The following PUS7L variants were observed in gnomAD, a reference collection of about 807,000 sequenced individuals.
The protein encoded by PUS7L is pseudouridine synthase 7 like, also known as pseudouridylate synthase PUS7L.
In PUS7L, 49 loss-of-function variants were observed where a neutral mutation model predicts 51.1. That is an observed-to-expected ratio of 0.96 (90% confidence interval 0.76 to 1.22). The LOEUF is 1.22. Among genes scored for constraint, PUS7L ranks in the 50% most tolerant of loss-of-function variants. The pLI is 0.00. For synonymous variants in PUS7L, 277 were observed against 276.2 expected (o/e 1.00, Z -0.03); for missense variants, 828 against 820.6 (o/e 1.01, Z -0.11).
intron 2 of PUS7L, among the ~76,000 whole-genome samples, chr12:43,752,938 TTCC>T (rs1290423633): frequency 1.3e-5 from 2 of 152,204 alleles, no homozygotes; most frequent in African/African-American, 2.4e-5. Context: ...TGAACCATCA[TTCC>T]TCCTTTTAAC....
chr12:43,741,994 C>T (rs895058490), intron 5 of PUS7L, among the ~76,000 whole-genome samples: 3 of 152,106 alleles, frequency 2.0e-5, no homozygotes, highest in Non-Finnish European at 2.9e-5. Flanking sequence ...TACACACATA[C>T]GCTTTTAATA....
rs999845936 is a variant in PUS7L at position 43,729,574 on chromosome 12, G to A, written c.*802C>T. 2.1e-5 allele frequency: 4 copies of A among 191,846 alleles called. No homozygotes were observed. Among genetic ancestry groups the A allele is most frequent in the African/African-American group, 9.2e-5 (4 of 43,418 alleles). 11.9% of individuals were successfully genotyped at this position (191,846 alleles called of 1,614,324 possible). On this transcript the variant is annotated 3_prime_UTR_variant, in exon 9 of 9. Coordinates refer to ENST00000344862, the MANE Select transcript of PUS7L (RefSeq NM_031292.5). ...TGTTCCTCCAGCAACAGAAAATGTG[G>A]AGATAATCCTATTATTTGTCATTTA...
At position 43,754,713 on chromosome 12, in the gene PUS7L, G is replaced by C. The variant is rs1327717948; in HGVS notation, c.533C>G (p.Ala178Gly). The change falls in exon 2 of 9, where the codon GCC (alanine) becomes GGC (glycine). Residue 178 changes from alanine (A) to glycine (G), a missense_variant. Coordinates refer to ENST00000344862, the MANE Select transcript of PUS7L (RefSeq NM_031292.5). ...TAAAAATGGAAATTTCTGCCTAATG[G>C]CACTGTGTAAACTAGCCCTCTGGTT... ...DKNQRASLHSAIRQKFPFLVT... is the reference protein window; with the variant it reads ...DKNQRASLHSGIRQKFPFLVT... 1 of 1,613,764 alleles carries C rather than the reference G, an allele frequency of 6.2e-7. No individual in the cohort carries two copies. Among genetic ancestry groups the C allele is most frequent in the Admixed American group, 1.7e-5 (1 of 60,000 alleles).
rs530705563 is a variant in PUS7L at position 43,756,961 on chromosome 12, T to C, written c.-16-1700A>G. On this transcript the variant is annotated intron_variant, in intron 1 of 8. Coordinates refer to ENST00000344862, the MANE Select transcript of PUS7L (RefSeq NM_031292.5). ...ACTCACCCTGGCTTCCAAGGACATC[T>C]AAGATTAGGGACCCTGCTTATTCTC... Among the ~76,000 whole-genome samples, 270 of 152,328 alleles carry C rather than the reference T, an allele frequency of 1.8e-3. 2 individuals carry two copies. Among genetic ancestry groups the C allele is most frequent in the Middle Eastern group, 6.8e-3 (2 of 294 alleles).
chr12:43,745,376 C>A (rs1239609480), intron 4 of PUS7L, among the ~76,000 whole-genome samples: 1 of 152,138 alleles, frequency 6.6e-6, no homozygotes, highest in African/African-American at 2.4e-5. Flanking sequence ...ATGGGAGAGA[C>A]CCAGTGGGAT....
At position 43,730,119 on chromosome 12, in the gene PUS7L, A is replaced by G; in HGVS notation, c.*257T>C. The G allele has an allele frequency of 2.5e-6, 1 of 403,404 alleles. No individual in the cohort carries two copies. Among genetic ancestry groups the G allele is most frequent in the East Asian group, 3.8e-5 (1 of 26,138 alleles). The allele number at this position is 403,404 out of a possible 1,614,324, so 25.0% of individuals were successfully genotyped here. ...GGTTTTAAAAGATTGTAACTTTATG[A>G]CACAGAATAAAGGTCACTGAAACAT... On this transcript the variant is annotated 3_prime_UTR_variant, in exon 9 of 9. Coordinates refer to ENST00000344862, the MANE Select transcript of PUS7L (RefSeq NM_031292.5).
At position 43,723,568 on chromosome 12, in the gene PUS7L, G is replaced by A. The variant is rs1944421597; in HGVS notation, c.*6808C>T. The A allele has an allele frequency of 6.6e-6, 1 of 151,928 alleles. No homozygotes were observed. 9.4% of individuals were successfully genotyped at this position (151,928 alleles called of 1,614,324 possible). ...TAGTCTGCATATTCCACTTGCAAGT[G>A]GCATTTCAAATCAAATGAAAACAAG... On this transcript the variant is annotated 3_prime_UTR_variant, in exon 9 of 9. Transcript: ENST00000344862.
In PUS7L at chr12:43,747,267, A is replaced by G. The variant is rs1380298157; in HGVS notation, c.1071-1029T>C. Reference sequence around the variant, plus strand: ...GCTGGAAAGAATTTCCATTTTCAAAAACAGGGAATGTTAAACAAATTAGTC... The same window carrying G: ...GCTGGAAAGAATTTCCATTTTCAAAGACAGGGAATGTTAAACAAATTAGTC... On this transcript the variant is annotated intron_variant, in intron 3 of 8. Transcript: ENST00000344862. 2.0e-5 allele frequency among the ~76,000 whole-genome samples: 3 copies of G among 152,262 alleles called. No homozygotes were observed. The East Asian group carries it at 5.8e-4, about 29-fold the overall frequency.
At chr12:43,756,000 G>T (rs1192701413) in intron 1 of PUS7L, among the ~76,000 whole-genome samples, 1 of 152,154 alleles carries the variant, frequency 6.6e-6, no homozygotes, top group Non-Finnish European at 1.5e-5. Context: ...CATACCATAT[G>T]GAGCTGCAGG....
In PUS7L at chr12:43,722,272, G is replaced by A. The variant is rs764446498; in HGVS notation, c.*8104C>T. The A allele has an allele frequency of 1.3e-5, 2 of 152,094 alleles. No homozygotes were observed. Among genetic ancestry groups the A allele is most frequent in the Non-Finnish European group, 2.9e-5 (2 of 67,992 alleles). 9.4% of individuals were successfully genotyped at this position (152,094 alleles called of 1,614,324 possible). ...ACTGTTACTGCATAGATACTGGAAAGCTTCTGAAATGTTCTATGGCCCCAA... is the reference window on the plus strand; with the variant it reads ...ACTGTTACTGCATAGATACTGGAAAACTTCTGAAATGTTCTATGGCCCCAA... On this transcript the variant is annotated 3_prime_UTR_variant, in exon 9 of 9. Coordinates refer to ENST00000344862, the MANE Select transcript of PUS7L (RefSeq NM_031292.5).
At position 43,720,451 on chromosome 12, in the gene PUS7L, G is replaced by A. The variant is rs911101498; in HGVS notation, c.*9925C>T. 2.0e-5 allele frequency: 3 copies of A among 152,086 alleles called. No homozygotes were observed. Among genetic ancestry groups the A allele is most frequent in the African/African-American group, 4.8e-5 (2 of 41,414 alleles). The allele number at this position is 152,086 out of a possible 1,614,324, so 9.4% of individuals were successfully genotyped here. On this transcript the variant is annotated 3_prime_UTR_variant, in exon 9 of 9. Transcript: ENST00000344862. ...GTGAGCCAAGATCGTGCCACTGCAC[G>A]GGTGATAGAGTGAGACTCCATCACA...
At position 43,726,395 on chromosome 12, in the gene PUS7L, C is replaced by G. The variant is rs1944454964; in HGVS notation, c.*3981G>C. On this transcript the variant is annotated 3_prime_UTR_variant, in exon 9 of 9. Transcript: ENST00000344862. ...TTTTTACCATATACAAAAATCAACT[C>G]AAGATGGGTTAACAATGTAAATGTA... 1 of 152,132 alleles carries G rather than the reference C, an allele frequency of 6.6e-6. No individual in the cohort carries two copies. Among genetic ancestry groups the G allele is most frequent in the African/African-American group, 2.4e-5 (1 of 41,434 alleles). 9.4% of individuals were successfully genotyped at this position (152,132 alleles called of 1,614,324 possible).
chr12:43,748,020 C>T (rs1237963761), intron 3 of PUS7L, among the ~76,000 whole-genome samples: 1 of 152,186 alleles, frequency 6.6e-6, no homozygotes, highest in Non-Finnish European at 1.5e-5. Flanking sequence ...AACTCCTAAC[C>T]TCAAGTGATC....
In PUS7L at chr12:43,738,717, T is replaced by A. The variant is rs138535709; in HGVS notation, c.1363-326A>T. 1.0e-3 allele frequency: 279 copies of A among 268,372 alleles called. 1 individual carries two copies. The highest frequency in any genetic ancestry group is 6.1e-3 in the African/African-American group (264 of 43,178). 16.6% of individuals were successfully genotyped at this position (268,372 alleles called of 1,614,324 possible). On this transcript the variant is annotated intron_variant, in intron 5 of 8. Transcript: ENST00000344862. ...TGACATTCTTAGTAAGGTGTAAGAA[T>A]TCTGAAAAGCTTAGGCTAAATGTAT...
At chr12:43,731,651 G>T in intron 8 of PUS7L, 54 bp downstream of exon 8, 3 of 999,078 alleles carry the variant, frequency 3.0e-6, no homozygotes, top group South Asian at 1.5e-5. Context: ...TTTGCTTTTT[G>T]GGGACAATGT....
In PUS7L at chr12:43,719,613, A is replaced by G. The variant is rs1944373354; in HGVS notation, c.*10763T>C. ...CACATCTGGCCCTGACCTTCCCTAT[A>G]TGGAAAAATTTTAAACTACTGGTTC... On this transcript the variant is annotated 3_prime_UTR_variant, in exon 9 of 9. Transcript: ENST00000344862. 3 of 152,172 alleles carry G rather than the reference A, an allele frequency of 2.0e-5. No homozygotes were observed. The highest frequency in any genetic ancestry group is 2.0e-4 in the Admixed American group (3 of 15,282). 9.4% of individuals were successfully genotyped at this position (152,172 alleles called of 1,614,324 possible).
At chr12:43,732,990 A>T (rs1454036161) in intron 7 of PUS7L, among the ~76,000 whole-genome samples, 1 of 152,180 alleles carries the variant, frequency 6.6e-6, no homozygotes, top group African/African-American at 2.4e-5. Flanking sequence ...GATTTAAGTA[A>T]TTTATGAAAA....
chr12:43,730,438 C>A lies in PUS7L; in HGVS notation c.2044G>T (p.Asp682Tyr). ...GTAGCATAGCATGAAGCATCAAGATCAAAAGAGATCAAAAGAGACAAAGCT... is the reference window on the plus strand; with the variant it reads ...GTAGCATAGCATGAAGCATCAAGATAAAAAGAGATCAAAAGAGACAAAGCT... ...ETALSLLISF[D>Y]LDASCYATVC... The change falls in exon 9 of 9, where the codon GAT becomes TAT. Residue 682 changes from aspartate (D) to tyrosine (Y), a missense_variant. Physicochemically the swap from Asp to Tyr is radical, Grantham distance 160. Coordinates refer to ENST00000344862, the MANE Select transcript of PUS7L (RefSeq NM_031292.5). 2 of 1,613,688 alleles carry A rather than the reference C, an allele frequency of 1.2e-6. No homozygotes were observed. Among genetic ancestry groups the A allele is most frequent in the Non-Finnish European group, 1.7e-6 (2 of 1,179,796 alleles).
At chr12:43,748,392 A>C in intron 3 of PUS7L, 58 bp downstream of exon 3, 1 of 1,253,856 alleles carries the variant, frequency 8.0e-7, no homozygotes, top group Non-Finnish European at 1.1e-6. Flanking sequence ...CCATTTAGAC[A>C]ATTTAAATCT....
Sources: allele counts gnomAD v4.1 joint callset (sites outside exome capture counted in the v4.1 genomes callset), GRCh38; gene constraint gnomAD v4.1.1; transcripts MANE v1.5; gene names NCBI Gene and HGNC (gene_info 2026-07-23, HGNC 2026-07-21).